The following LOC128092253 variants were observed in gnomAD, a reference collection of about 807,000 sequenced individuals.
At chr6:133,958,412 G>T in the LOC128092253 span, among the ~76,000 whole-genome samples, 1 of 152,212 alleles carries the variant, frequency 6.6e-6, no homozygotes, top group African/African-American at 2.4e-5. Flanking sequence ...TGTAATTTTA[G>T]AAGTAGCTAA....
the LOC128092253 span, among the ~76,000 whole-genome samples, chr6:133,953,661 G>A: frequency 6.6e-6 from 1 of 152,106 alleles, no homozygotes; most frequent in Non-Finnish European, 1.5e-5. Context: ...ATCTCTTTAG[G>A]GATAACGGGT....
At chr6:133,963,806 G>A in the LOC128092253 span, among the ~76,000 whole-genome samples, 12 of 151,778 alleles carry the variant, frequency 7.9e-5, no homozygotes, top group East Asian at 2.0e-4. Context: ...TGAGGCGGGC[G>A]GATCACAAGG....
At chr6:133,970,901 G>A in the LOC128092253 span, among the ~76,000 whole-genome samples, 1 of 152,052 alleles carries the variant, frequency 6.6e-6, no homozygotes, top group Non-Finnish European at 1.5e-5. Context: ...TCAAATCAGG[G>A]TAGGGCATCT....
chr6:133,965,046 A>G, the LOC128092253 span, among the ~76,000 whole-genome samples: 1 of 152,242 alleles, frequency 6.6e-6, no homozygotes, highest in African/African-American at 2.4e-5. Flanking sequence ...ATCTTGATGC[A>G]TGCCAATTCT....
At chr6:133,978,456 C>T in the LOC128092253 span, among the ~76,000 whole-genome samples, 1 of 152,170 alleles carries the variant, frequency 6.6e-6, no homozygotes, top group African/African-American at 2.4e-5. Context: ...AGACATTGCA[C>T]GTGCTTAAGA....
At chr6:133,966,078 C>G in the LOC128092253 span, among the ~76,000 whole-genome samples, 2 of 151,976 alleles carry the variant, frequency 1.3e-5, no homozygotes, top group Non-Finnish European at 2.9e-5. Context: ...CAGAGAGAGA[C>G]AGAAAGAAAC....
At chr6:133,971,013 T>C in the LOC128092253 span, among the ~76,000 whole-genome samples, 4 of 152,222 alleles carry the variant, frequency 2.6e-5, no homozygotes, top group East Asian at 7.7e-4. Context: ...GTCACCCTAC[T>C]GTGCAACAGA....
chr6:133,956,941 A>AT, the LOC128092253 span, among the ~76,000 whole-genome samples: 1 of 152,248 alleles, frequency 6.6e-6, no homozygotes, highest in South Asian at 2.1e-4. Context: ...GACAAATTTG[A>AT]TTTTTGTATT....
the LOC128092253 span, among the ~76,000 whole-genome samples, chr6:133,977,971 A>G: frequency 2.0e-5 from 3 of 152,182 alleles, no homozygotes; most frequent in Admixed American, 6.5e-5. Flanking sequence ...ATACATAACC[A>G]TTTTATTTTA....
the LOC128092253 span, among the ~76,000 whole-genome samples, chr6:133,973,627 T>G: frequency 6.6e-6 from 1 of 152,200 alleles, no homozygotes; most frequent in Non-Finnish European, 1.5e-5. Flanking sequence ...GGAGTAATGT[T>G]TTTGAATACC....
chr6:133,956,588 CTG>C, the LOC128092253 span, among the ~76,000 whole-genome samples: 2 of 152,140 alleles, frequency 1.3e-5, no homozygotes, highest in African/African-American at 4.8e-5. Context: ...TGTCCCTGCC[CTG>C]TGTGTGTATT....
chr6:133,955,036 A>G, the LOC128092253 span, among the ~76,000 whole-genome samples: 3 of 152,136 alleles, frequency 2.0e-5, no homozygotes, highest in African/African-American at 7.2e-5. Context: ...GTTGCATTTT[A>G]AGACATTAAG....
At chr6:133,975,294 GT>G in the LOC128092253 span, among the ~76,000 whole-genome samples, 20 of 152,116 alleles carry the variant, frequency 1.3e-4, 1 homozygote, top group Admixed American at 1.2e-3. Context: ...TGTATGCCCA[GT>G]AAATTTTAAA....
chr6:133,965,611 GT>G, the LOC128092253 span, among the ~76,000 whole-genome samples: 1,581 of 144,808 alleles, frequency 0.011, 42 homozygotes, highest in Admixed American at 0.066. Context: ...AGTTTTGTGG[GT>G]TTTTTTTTTT....
the LOC128092253 span, among the ~76,000 whole-genome samples, chr6:133,969,758 T>TG: frequency 2.6e-5 from 4 of 152,240 alleles, no homozygotes; most frequent in Admixed American, 2.6e-4. Flanking sequence ...TAGACCTTAG[T>TG]GCATCTAACT....
chr6:133,961,594 G>C, the LOC128092253 span, among the ~76,000 whole-genome samples: 3 of 151,206 alleles, frequency 2.0e-5, no homozygotes, highest in African/African-American at 7.3e-5. Context: ...CAGCCTCCTG[G>C]GTAGCTGGGA....
At chr6:133,977,808 A>G in the LOC128092253 span, among the ~76,000 whole-genome samples, 1 of 152,198 alleles carries the variant, frequency 6.6e-6, no homozygotes, top group Non-Finnish European at 1.5e-5. Context: ...TTGTTGTTCT[A>G]CCATCCTCAT....
At chr6:133,971,836 T>C in the LOC128092253 span, among the ~76,000 whole-genome samples, 14 of 152,304 alleles carry the variant, frequency 9.2e-5, no homozygotes, top group East Asian at 2.7e-3. Context: ...ATTAATCTCT[T>C]ATCAGATATA....
chr6:133,978,906 A>G, the LOC128092253 span, among the ~76,000 whole-genome samples: 1 of 152,170 alleles, frequency 6.6e-6, no homozygotes, highest in Non-Finnish European at 1.5e-5. Flanking sequence ...AAAAACAACT[A>G]TAGTATGTTT....
Sources: gnomAD v4.1 joint callset for allele counts (sites outside exome capture counted in the v4.1 genomes callset) on GRCh38, gnomAD v4.1.1 for gene constraint, MANE v1.5 for transcripts.